The following DCHS2 variants were observed in gnomAD, a reference collection of about 807,000 sequenced individuals.
DCHS2 encodes protocadherin-23.
DCHS2 carries 142 observed loss-of-function variants against 182.4 expected under a neutral mutation model. That is an observed-to-expected ratio of 0.78 (90% CI 0.68 to 0.89). The LOEUF (loss-of-function observed/expected upper bound fraction) is 0.89, where lower values mean the gene tolerates loss of function less well. Among genes scored for constraint, DCHS2 ranks in the 40% least tolerant of loss-of-function variants. The probability of loss-of-function intolerance (pLI) is 0.00; values close to 1 mark genes in which losing one functional copy is unlikely to be tolerated. For missense variants in DCHS2, 4,319 were observed against 4,198.6 expected, an observed-to-expected ratio of 1.03 and a Z score of -0.79; for synonymous variants, 1,740 against 1,663.3, an observed-to-expected ratio of 1.05 and a Z score of -1.12.
intron 1 of DCHS2, among the ~76,000 whole-genome samples, chr4:154,378,090 C>G (rs1162403616): frequency 6.6e-6 from 1 of 152,150 alleles, no homozygotes; most frequent in Non-Finnish European, 1.5e-5. Flanking sequence ...GAATGAAATC[C>G]AGCCCATGCT....
intron 1 of DCHS2, among the ~76,000 whole-genome samples, chr4:154,431,233 C>T (rs1178438874): frequency 1.3e-5 from 2 of 152,084 alleles, no homozygotes; most frequent in Non-Finnish European, 2.9e-5. Context: ...AGATTTAACA[C>T]TAAATTTTCT....
Position 154,490,557 on chromosome 4 carries a change from C to A in DCHS2, c.799G>T (p.Glu267Ter), listed in dbSNP as rs906349505. The A allele has an allele frequency of 1.3e-6, 2 of 1,541,576 alleles. No homozygotes were observed. Among genetic ancestry groups the A allele is most frequent in the Non-Finnish European group, 1.7e-6 (2 of 1,146,162 alleles). ...CGGGGTCGGCCGCCGTCCCATGCCT[C>A]GATCTGCAGCCGGTGCGCCGCCGCC... is the stretch of plus-strand genomic sequence containing the variant. ...EEAAAHRLQI[E>*]AWDGGRPRRT... Residue 267 changes from glutamate to a stop codon, truncating the protein, a stop_gained, in exon 1 of 20, where the codon GAG becomes TAG. Coordinates refer to ENST00000357232, the MANE Select transcript of DCHS2 (RefSeq NM_001358235.2). LOFTEE classifies it high-confidence loss of function.
chr4:154,343,606 C>CA, intron 3 of DCHS2: 1 of 1,517,270 alleles, frequency 6.6e-7, no homozygotes, highest in Non-Finnish European at 8.8e-7. Context: ...CTGCTAGCTT[C>CA]AAATTTTTTT....
intron 1 of DCHS2, among the ~76,000 whole-genome samples, chr4:154,410,692 G>A (rs192505419): frequency 6.6e-6 from 1 of 151,716 alleles, no homozygotes; most frequent in East Asian, 1.9e-4. Flanking sequence ...AAAAGATAGG[G>A]ACAGAAGCTT....
In DCHS2 at chr4:154,370,411, G is replaced by T. The variant is rs181442079; in HGVS notation, c.2245-3970C>A. On this transcript the variant is annotated intron_variant, in intron 2 of 19. Coordinates refer to ENST00000357232, the MANE Select transcript of DCHS2 (RefSeq NM_001358235.2). ...GAGACTTGCTGTGAAGAAAGAAGAA[G>T]AATAAAATGGTTTTCTGAAAAGGTA... Among the ~76,000 whole-genome samples, 459 of 152,156 alleles carry T rather than the reference G, an allele frequency of 3.0e-3. 1 individual carries two copies. The highest frequency in any genetic ancestry group is 0.011 in the African/African-American group (437 of 41,522).
intron 13 of DCHS2, among the ~76,000 whole-genome samples, chr4:154,291,752 T>C (rs1734669516): frequency 9.0e-6 from 1 of 111,296 alleles, no homozygotes; most frequent in Non-Finnish European, 1.8e-5. Flanking sequence ...ATTACAATAA[T>C]TGAACTCATA....
intron 3 of DCHS2, among the ~76,000 whole-genome samples, chr4:154,356,301 A>G (rs1729862324): frequency 6.6e-6 from 1 of 152,198 alleles, no homozygotes; most frequent in Admixed American, 6.5e-5. Flanking sequence ...CAACTATACA[A>G]TGTGTTTGTC....
At chr4:154,413,981 T>G (rs1424168288) in intron 1 of DCHS2, among the ~76,000 whole-genome samples, 1 of 152,204 alleles carries the variant, frequency 6.6e-6, no homozygotes, top group Non-Finnish European at 1.5e-5. Flanking sequence ...ACTTAAGATC[T>G]AAAATAATCT....
At chr4:154,451,532 AT>A in intron 1 of DCHS2, among the ~76,000 whole-genome samples, 1 of 152,268 alleles carries the variant, frequency 6.6e-6, no homozygotes, top group South Asian at 2.1e-4. Flanking sequence ...GACTCCTGCT[AT>A]GTTATCTCCT....
At chr4:154,463,600 T>G (rs1189111143) in intron 1 of DCHS2, among the ~76,000 whole-genome samples, 1 of 152,096 alleles carries the variant, frequency 6.6e-6, no homozygotes, top group Non-Finnish European at 1.5e-5. Context: ...GCTATTAAAA[T>G]GCTAATAGAA....
chr4:154,234,927 G>T lies in DCHS2; in HGVS notation c.9725C>A (p.Pro3242His), dbSNP rs759258187. ...YHWNYLLSWE[P>H]KFQPLASVFN... is the part of the protein sequence containing the mutation. Reference sequence around the variant, plus strand: ...TACTGAGGCAAGAGGTTGGAATTTGGGCTCCCAACTAAGAAGATAATTCCA... The same window carrying T: ...TACTGAGGCAAGAGGTTGGAATTTGTGCTCCCAACTAAGAAGATAATTCCA... Residue 3242 changes from proline (P) to histidine (H), a missense_variant, in exon 20 of 20, where the codon CCC becomes CAC. Pro to His is a moderately conservative substitution (Grantham distance 77). Transcript: ENST00000357232. The T allele has an allele frequency of 6.2e-7, 1 of 1,613,876 alleles. No homozygotes were observed. Among genetic ancestry groups the T allele is most frequent in the East Asian group, 2.2e-5 (1 of 44,846 alleles).
At chr4:154,385,292 A>G (rs1468387328) in intron 1 of DCHS2, among the ~76,000 whole-genome samples, 1 of 152,050 alleles carries the variant, frequency 6.6e-6, no homozygotes, top group Admixed American at 6.6e-5. Context: ...CATTGTGTAT[A>G]TGTGCCACAT....
At position 154,331,591 on chromosome 4, in the gene DCHS2, A is replaced by G. The variant is rs1462638188; in HGVS notation, c.3730+887T>C. ...CTGCTGTGAAAGGTCACCTTCTCCT[A>G]ATTCACAGAACAGAGACTTGAGAAC... is the stretch of plus-strand genomic sequence containing the variant. On this transcript the variant is annotated intron_variant, in intron 5 of 19. Transcript: ENST00000357232. 8 of 1,610,804 alleles carry G rather than the reference A, an allele frequency of 5.0e-6. No individual in the cohort carries two copies. In the South Asian group the frequency reaches 7.8e-5, roughly 16 times the overall value.
At chr4:154,457,823 C>A (rs546748500) in intron 1 of DCHS2, among the ~76,000 whole-genome samples, 4 of 152,108 alleles carry the variant, frequency 2.6e-5, no homozygotes, top group African/African-American at 9.7e-5. Context: ...GGGGGGAGCA[C>A]GAGAATTTGC....
At chr4:154,406,921 G>T (rs1429490696) in intron 1 of DCHS2, among the ~76,000 whole-genome samples, 1 of 152,030 alleles carries the variant, frequency 6.6e-6, no homozygotes, top group Admixed American at 6.6e-5. Flanking sequence ...CCCTCCTTGG[G>T]GTCTCTCTCA....
intron 3 of DCHS2, among the ~76,000 whole-genome samples, chr4:154,351,006 A>C (rs1439998000): frequency 1.3e-5 from 2 of 152,218 alleles, no homozygotes; most frequent in Non-Finnish European, 2.9e-5. Flanking sequence ...CATGCCTTCA[A>C]GAAGTTCTTG....
At position 154,234,865 on chromosome 4, in the gene DCHS2, G is replaced by T; in HGVS notation, c.9787C>A (p.His3263Asn). ...TTCTCTTTTGGAATGCCAGGCATAT[G>T]CAAATGTTCATCCTTTAGTTTTGCA... ...DIAKLKDEHL[H>N]MPGIPKEKKS... Residue 3263 changes from histidine to asparagine, a missense_variant, in exon 20 of 20, where the codon CAT (histidine) becomes AAT (asparagine). His to Asn is a moderately conservative substitution (Grantham distance 68). Transcript: ENST00000357232. The T allele has an allele frequency of 6.2e-7, 1 of 1,614,092 alleles. No homozygotes were observed. The highest frequency in any genetic ancestry group is 1.7e-5 in the Admixed American group (1 of 60,012).
intron 1 of DCHS2, among the ~76,000 whole-genome samples, chr4:154,437,351 A>C (rs2110947886): frequency 6.6e-6 from 1 of 152,272 alleles, no homozygotes; most frequent in Non-Finnish European, 1.5e-5. Context: ...TCTCATGATG[A>C]AAAAAGGATG....
chr4:154,399,041 T>C (rs2110866526), intron 1 of DCHS2, among the ~76,000 whole-genome samples: 1 of 152,300 alleles, frequency 6.6e-6, no homozygotes, highest in South Asian at 2.1e-4. Flanking sequence ...GTGGGCTTTT[T>C]CCATGCCTCC....
Sources: allele counts gnomAD v4.1 joint callset (sites outside exome capture counted in the v4.1 genomes callset), GRCh38; gene constraint gnomAD v4.1.1; transcripts MANE v1.5; gene names NCBI Gene and HGNC (gene_info 2026-07-23, HGNC 2026-07-21).